The following CNTN5 variants were observed in gnomAD, a reference collection of about 807,000 sequenced individuals.
The protein encoded by CNTN5 is contactin-5.
CNTN5 carries 77 observed loss-of-function variants against 129.1 expected under a neutral mutation model. The observed-to-expected ratio is 0.60, with a 90% CI of 0.50 to 0.72. CNTN5 has a LOEUF of 0.72. Ranked by LOEUF, CNTN5 falls within the 30% of genes least tolerant of loss-of-function variation. CNTN5 has a pLI of 0.00. For missense variants in CNTN5, 1,478 were observed against 1,328.8 expected, an observed-to-expected ratio of 1.11 and a Z score of -1.75; for synonymous variants, 509 against 465.6, an observed-to-expected ratio of 1.09 and a Z score of -1.20.
At chr11:99,523,607 AAT>A (rs1947354227) in intron 2 of CNTN5, among the ~76,000 whole-genome samples, 3 of 38,454 alleles carry the variant, frequency 7.8e-5, no homozygotes, top group African/African-American at 3.0e-4. Context: ...GATAGAATAG[AAT>A]AGAATAGAAT....
In CNTN5 at chr11:100,071,631, T is replaced by C; in HGVS notation, c.1300-74T>C. The C allele has an allele frequency of 5.8e-6, 7 of 1,207,446 alleles. 1 individual carries two copies. The South Asian group carries it at 1.1e-4, about 20-fold the overall frequency. The allele number at this position is 1,207,446 out of a possible 1,614,324, so 74.8% of individuals were successfully genotyped here. A position where few individuals can be genotyped will look rare whatever the true frequency, so the allele number is the denominator to read the frequency against. ...TAATTGCAAACTTGTTTTTTCTTAGTCTAGGAGAGAATACCCATAAAATCC... is the reference window on the plus strand; with the variant it reads ...TAATTGCAAACTTGTTTTTTCTTAGCCTAGGAGAGAATACCCATAAAATCC... On this transcript the variant is annotated intron_variant, in intron 11 of 24. Transcript: ENST00000524871.
chr11:99,173,370 C>G (rs919650405), intron 1 of CNTN5, among the ~76,000 whole-genome samples: 2 of 152,134 alleles, frequency 1.3e-5, no homozygotes, highest in East Asian at 3.9e-4. Flanking sequence ...ACCAAGCCAT[C>G]CCAAGTACAT....
chr11:100,305,938 C>A, intron 20 of CNTN5, among the ~76,000 whole-genome samples: 2 of 145,620 alleles, frequency 1.4e-5, no homozygotes, highest in African/African-American at 2.6e-5. Flanking sequence ...CTAACGATAG[C>A]TGATTAGCTA....
chr11:99,827,241 C>G (rs1946991486), intron 4 of CNTN5, among the ~76,000 whole-genome samples: 1 of 152,100 alleles, frequency 6.6e-6, no homozygotes, highest in Admixed American at 6.5e-5. Flanking sequence ...GCACACACTA[C>G]CACACTCAGC....
intron 2 of CNTN5, among the ~76,000 whole-genome samples, chr11:99,439,395 T>C (rs1464429728): frequency 6.6e-6 from 1 of 151,918 alleles, no homozygotes; most frequent in Non-Finnish European, 1.5e-5. Flanking sequence ...TGTACACAAA[T>C]GGGCTAAATA....
intron 21 of CNTN5, among the ~76,000 whole-genome samples, chr11:100,313,944 C>T (rs1458612713): frequency 6.6e-6 from 1 of 152,092 alleles, no homozygotes; most frequent in African/African-American, 2.4e-5. Context: ...GGGAAAAGTG[C>T]CTGTTTGGTT....
intron 1 of CNTN5, among the ~76,000 whole-genome samples, chr11:99,112,285 T>G (rs1857836297): frequency 6.6e-6 from 1 of 152,124 alleles, no homozygotes. Flanking sequence ...CAATAGAAAC[T>G]TCATAAATTT....
chr11:100,274,349 A>G (rs1469429338), intron 18 of CNTN5, among the ~76,000 whole-genome samples: 1 of 152,252 alleles, frequency 6.6e-6, no homozygotes, highest in East Asian at 1.9e-4. Context: ...AAGCAATTAC[A>G]ACAAAAACAA....
intron 1 of CNTN5, among the ~76,000 whole-genome samples, chr11:99,158,232 G>A (rs1212470462): frequency 2.6e-5 from 4 of 152,112 alleles, no homozygotes; most frequent in Admixed American, 2.6e-4. Context: ...TTCCGCTCCT[G>A]AACTTACTGC....
chr11:99,361,076 C>T (rs1591572754), intron 2 of CNTN5, among the ~76,000 whole-genome samples: 1 of 152,234 alleles, frequency 6.6e-6, no homozygotes, highest in African/African-American at 2.4e-5. Context: ...AAAGGATCAC[C>T]TTTCCTCCAG....
intron 1 of CNTN5, among the ~76,000 whole-genome samples, chr11:99,204,334 T>C (rs1175109468): frequency 6.6e-6 from 1 of 152,198 alleles, no homozygotes; most frequent in Non-Finnish European, 1.5e-5. Flanking sequence ...CAAATTAATA[T>C]AGTGTATTGC....
intron 7 of CNTN5, among the ~76,000 whole-genome samples, 172 bp from the exon 8 acceptor site, chr11:99,956,634 A>C (rs1407152475): frequency 2.6e-5 from 4 of 152,246 alleles, no homozygotes; most frequent in African/African-American, 9.6e-5. Context: ...ATCTCACCGT[A>C]GTCATTAACA....
chr11:99,814,823 C>T (rs1026310858), intron 3 of CNTN5, among the ~76,000 whole-genome samples: 1 of 152,070 alleles, frequency 6.6e-6, no homozygotes, highest in African/African-American at 2.4e-5. Flanking sequence ...CGTCTCCAAA[C>T]TGAGTGATTA....
chr11:99,290,386 C>T (rs1591476920), intron 1 of CNTN5, among the ~76,000 whole-genome samples: 1 of 151,962 alleles, frequency 6.6e-6, no homozygotes, highest in East Asian at 1.9e-4. Flanking sequence ...AAGCCACACA[C>T]CTCCAGGAAT....
intron 1 of CNTN5, among the ~76,000 whole-genome samples, chr11:99,171,699 ACT>A (rs1861155739): frequency 6.6e-6 from 1 of 151,928 alleles, no homozygotes; most frequent in Admixed American, 6.6e-5. Flanking sequence ...TAAGAAAAAA[ACT>A]CTTCGTGTTA....
intron 1 of CNTN5, among the ~76,000 whole-genome samples, chr11:99,271,001 A>C (rs114091514): frequency 6.6e-6 from 1 of 151,988 alleles, no homozygotes; most frequent in East Asian, 1.9e-4. Context: ...GTCTGTCTTC[A>C]TACATTACAC....
At chr11:99,385,028 A>G (rs370119602) in intron 2 of CNTN5, among the ~76,000 whole-genome samples, 8 of 152,330 alleles carry the variant, frequency 5.3e-5, no homozygotes, top group African/African-American at 1.9e-4. Context: ...TATTGGGCAG[A>G]TAATAAATGT....
At chr11:99,187,899 C>T (rs1165541884) in intron 1 of CNTN5, among the ~76,000 whole-genome samples, 1 of 151,738 alleles carries the variant, frequency 6.6e-6, no homozygotes, top group Non-Finnish European at 1.5e-5. Context: ...AAGTCTTAAT[C>T]CATCCTTGAA....
intron 16 of CNTN5, chr11:100,225,035 C>T (rs915645104): frequency 2.8e-6 from 1 of 358,928 alleles, no homozygotes; most frequent in South Asian, 5.9e-5. Flanking sequence ...GTCCAAAACA[C>T]CTTTAGTAGT....
Sources: gnomAD v4.1 joint callset for allele counts (sites outside exome capture counted in the v4.1 genomes callset) on GRCh38, gnomAD v4.1.1 for gene constraint, MANE v1.5 for transcripts, NCBI Gene and HGNC (gene_info 2026-07-23, HGNC 2026-07-21) for gene names.